The following KLRG1 variants were observed in gnomAD, a reference collection of about 807,000 sequenced individuals.
The protein encoded by KLRG1 is killer cell lectin like receptor G1, also known as killer cell lectin-like receptor subfamily G member 1.
In KLRG1, 16 loss-of-function variants were observed where a neutral mutation model predicts 21.8. The observed-to-expected ratio is 0.73, with a 90% CI of 0.50 to 1.11. The LOEUF is 1.11. Ranked by LOEUF, KLRG1 falls within the 50% of genes most tolerant of loss-of-function variation. KLRG1 has a pLI of 0.00. For synonymous variants in KLRG1, 69 were observed against 75.9 expected, an observed-to-expected ratio of 0.91 and a Z score of 0.47; for missense variants, 173 against 218.3, an observed-to-expected ratio of 0.79 and a Z score of 1.31.
At chr12:9,070,440 A>C in the KLRG1 span, 1 of 1,244,084 alleles carries the variant, frequency 8.0e-7, no homozygotes, top group Non-Finnish European at 1.2e-6. Flanking sequence ...CTGGGGATAC[A>C]TACATCATTA....
At chr12:9,200,941 C>G in the KLRG1 span, 2 of 1,613,978 alleles carry the variant, frequency 1.2e-6, no homozygotes, top group African/African-American at 1.3e-5. Flanking sequence ...CTGATTCTGT[C>G]TGTACCACCA....
At chr12:9,163,606 T>G in the KLRG1 span, 1 of 1,575,952 alleles carries the variant, frequency 6.3e-7, no homozygotes, top group Non-Finnish European at 8.6e-7. Flanking sequence ...CTTTGTTGTC[T>G]CAAGAGTGAC....
At chr12:9,165,170 G>A in the KLRG1 span, 67 of 1,613,932 alleles carry the variant, frequency 4.2e-5, no homozygotes, top group Non-Finnish European at 5.4e-5. Flanking sequence ...GTTTAGGACC[G>A]TGGCCTTGAG....
At chr12:9,203,713 A>C in the KLRG1 span, 62 of 1,525,358 alleles carry the variant, frequency 4.1e-5, no homozygotes, top group Non-Finnish European at 5.3e-5. Context: ...CATGACCTAT[A>C]GAGCTCAATA....
the KLRG1 span, among the ~76,000 whole-genome samples, chr12:9,037,604 C>G: frequency 6.6e-6 from 1 of 152,178 alleles, no homozygotes; most frequent in African/African-American, 2.4e-5. Flanking sequence ...ATGTCCTAGG[C>G]TTTCACATTC....
At chr12:9,121,143 C>CGGGAG in the KLRG1 span, among the ~76,000 whole-genome samples, 1 of 152,060 alleles carries the variant, frequency 6.6e-6, no homozygotes, top group Non-Finnish European at 1.5e-5. The surrounding 1 kb of genome is among the most constrained non-coding windows in gnomAD (Gnocchi z 4.4). Context: ...ATCTCGGCCC[C>CGGGAG]GCAAAGTGTT....
At chr12:9,036,136 C>A in the KLRG1 span, among the ~76,000 whole-genome samples, 1 of 152,100 alleles carries the variant, frequency 6.6e-6, no homozygotes, top group African/African-American at 2.4e-5. Context: ...ACCCACTGAA[C>A]CTAAAATAAA....
At chr12:9,101,207 T>G in the KLRG1 span, 5 of 1,557,064 alleles carry the variant, frequency 3.2e-6, no homozygotes, top group Non-Finnish European at 3.5e-6. Context: ...TTTGCCATTA[T>G]CTGCAAAAAA....
At chr12:9,209,109 A>G in the KLRG1 span, among the ~76,000 whole-genome samples, 1 of 152,114 alleles carries the variant, frequency 6.6e-6, no homozygotes, top group Non-Finnish European at 1.5e-5. Context: ...TGAAAATACA[A>G]TATTGAACAG....
At chr12:9,112,552 G>A in the KLRG1 span, 15 of 1,612,942 alleles carry the variant, frequency 9.3e-6, no homozygotes, top group South Asian at 2.2e-5. Context: ...ATACAGGACC[G>A]ATCCTGAAAC....
the KLRG1 span, among the ~76,000 whole-genome samples, chr12:9,026,331 A>G: frequency 1.3e-5 from 2 of 152,336 alleles, no homozygotes; most frequent in East Asian, 3.9e-4. Flanking sequence ...CTGTTTTCTC[A>G]TGTTTTGAAA....
chr12:9,139,945 A>C, the KLRG1 span, among the ~76,000 whole-genome samples: 1 of 152,064 alleles, frequency 6.6e-6, no homozygotes, highest in Non-Finnish European at 1.5e-5. Flanking sequence ...TTCTGTGTGG[A>C]GGAGAAGTTT....
the KLRG1 span, chr12:9,101,287 T>G: frequency 6.9e-7 from 1 of 1,454,292 alleles, no homozygotes; most frequent in Middle Eastern, 1.7e-4. Flanking sequence ...CTTGTTTTAT[T>G]GAGTCCCTGC....
At chr12:9,154,540 C>G in the KLRG1 span, 4 of 1,334,436 alleles carry the variant, frequency 3.0e-6, no homozygotes, top group African/African-American at 5.9e-5. Context: ...CTTCTCTTTT[C>G]CATTAACTGT....
intron 3 of KLRG1, among the ~76,000 whole-genome samples, chr12:9,003,680 C>G (rs1947372873): frequency 1.4e-5 from 2 of 142,766 alleles, no homozygotes; most frequent in Non-Finnish European, 1.6e-5. Flanking sequence ...AGTTTGTGTT[C>G]AGAGGGTTTT....
the KLRG1 span, chr12:9,148,842 G>T: frequency 1.4e-6 from 1 of 739,778 alleles, no homozygotes; most frequent in Non-Finnish European, 2.3e-6. Context: ...ACAAGTGATA[G>T]TTTGACCAGA....
At chr12:9,141,093 A>G in the KLRG1 span, among the ~76,000 whole-genome samples, 4 of 152,360 alleles carry the variant, frequency 2.6e-5, no homozygotes, top group Non-Finnish European at 5.9e-5. Context: ...TAGTAGCCAT[A>G]AAGTTACAAT....
At chr12:9,184,473 G>C in the KLRG1 span, among the ~76,000 whole-genome samples, 2 of 152,192 alleles carry the variant, frequency 1.3e-5, no homozygotes, top group Non-Finnish European at 2.9e-5. Flanking sequence ...CCAATCCCCT[G>C]AGTCATACTG....
downstream of KLRG1, among the ~76,000 whole-genome samples, chr12:9,012,237 G>T (rs1947642234): frequency 6.6e-6 from 1 of 152,196 alleles, no homozygotes; most frequent in South Asian, 2.1e-4. Flanking sequence ...GAGGAGAGGA[G>T]ATGGAAGAGT....
Sources: allele counts gnomAD v4.1 joint callset (sites outside exome capture counted in the v4.1 genomes callset), GRCh38; gene constraint gnomAD v4.1.1; non-coding constraint Gnocchi (gnomAD v3.1); transcripts MANE v1.5; gene names NCBI Gene and HGNC (gene_info 2026-07-23, HGNC 2026-07-21).